RCL1: variants seen among roughly 807,000 people sequenced by gnomAD.
RCL1 encodes RNA terminal phosphate cyclase like 1, also known as RNA 3'-terminal phosphate cyclase-like protein.
In RCL1, 24 loss-of-function variants were observed where a neutral mutation model predicts 42.4. The observed-to-expected ratio is 0.57, with a 90% CI of 0.41 to 0.80. RCL1 has a LOEUF of 0.80. RCL1 is among the 30% of genes least tolerant of loss of function. The probability of loss-of-function intolerance (pLI) is 0.00; values close to 1 mark genes in which losing one functional copy is unlikely to be tolerated. For missense variants in RCL1, 578 were observed against 467.9 expected, an observed-to-expected ratio of 1.24 and a Z score of -2.17; for synonymous variants, 228 against 177.3, an observed-to-expected ratio of 1.29 and a Z score of -2.27.
At chr9:4,847,838 C>T (rs1245585060) in intron 7 of RCL1, among the ~76,000 whole-genome samples, 2 of 152,212 alleles carry the variant, frequency 1.3e-5, no homozygotes, top group Non-Finnish European at 2.9e-5. Flanking sequence ...TCCTTGCTGG[C>T]CCTGGCATTT....
rs148169050 is a variant in RCL1 at position 4,806,795 on chromosome 9, A to G, written c.136+13568A>G. On this transcript the variant is annotated intron_variant, in intron 1 of 8. Transcript: ENST00000381750. ...CTAGTTTAAATTAAATCAATTGGAA[A>G]GTTTCCTGTTTTCTGAAAGAGATTG... Among the ~76,000 whole-genome samples the G allele has an allele frequency of 6.5e-4, 99 of 152,106 alleles. 1 individual carries two copies. The highest frequency in any genetic ancestry group is 2.4e-3 in the African/African-American group (98 of 41,508).
intron 3 of RCL1, among the ~76,000 whole-genome samples, chr9:4,830,156 C>T (rs993051642): frequency 1.4e-4 from 21 of 152,172 alleles, no homozygotes; most frequent in African/African-American, 4.3e-4. Flanking sequence ...TCAGACTGAG[C>T]AGTGAGACAT....
intron 1 of RCL1, among the ~76,000 whole-genome samples, chr9:4,798,363 A>G (rs1009906365): frequency 6.6e-6 from 1 of 152,238 alleles, no homozygotes; most frequent in Non-Finnish European, 1.5e-5. Flanking sequence ...GAACAAGAGC[A>G]GTGACATAGG....
rs1817492727 is a variant in RCL1, at chr9:4,845,840, G to A, written c.867+1159G>A. On this transcript the variant is annotated intron_variant, in intron 7 of 8. Transcript: ENST00000381750. ...TAAATCATCTCTCTTCTTCCCCTAA[G>A]GAGCTGAAGAGACTTCTTTCTTTGT... is the stretch of plus-strand genomic sequence containing the variant. Among the ~76,000 whole-genome samples the A allele has an allele frequency of 2.0e-5, 3 of 152,176 alleles. No individual in the cohort carries two copies. The South Asian group carries it at 6.2e-4, about 32-fold the overall frequency.
rs1334419245 is a variant in RCL1 at position 4,823,695 on chromosome 9, CT to C, written c.208+85del. On this transcript the variant is annotated intron_variant, in intron 2 of 8. Coordinates refer to ENST00000381750, the MANE Select transcript of RCL1 (RefSeq NM_005772.5). ...TGTTTCTCACTCTTTTTTTTCTTTCCTTTTTTTTTCTAGTCAGTCTCTGCTT... is the reference window on the plus strand; with the variant it reads ...TGTTTCTCACTCTTTTTTTTCTTTCCTTTTTTTTCTAGTCAGTCTCTGCTT... The C allele has an allele frequency of 2.3e-4, 229 of 977,446 alleles. 1 individual carries two copies. The highest frequency in any genetic ancestry group is 6.4e-4 in the South Asian group (41 of 64,320). The allele number at this position is 977,446 out of a possible 1,614,324, so 60.5% of individuals were successfully genotyped here.
intron 7 of RCL1, among the ~76,000 whole-genome samples, chr9:4,847,677 C>A (rs1183559962): frequency 6.6e-6 from 1 of 152,206 alleles, no homozygotes; most frequent in Non-Finnish European, 1.5e-5. Flanking sequence ...TGCACAGAGA[C>A]CTTCACTGGC....
chr9:4,795,087 T>TC (rs1185872011), intron 1 of RCL1, among the ~76,000 whole-genome samples: 1 of 90,160 alleles, frequency 1.1e-5, no homozygotes, highest in African/African-American at 4.6e-5. Flanking sequence ...AATTTCTTTC[T>TC]TTTTTTTTGA....
chr9:4,826,983 C>T lies in RCL1; in HGVS notation c.334C>T (p.Pro112Ser), dbSNP rs188571643. The T allele has an allele frequency of 6.2e-7, 1 of 1,613,926 alleles. No homozygotes were observed. Among genetic ancestry groups the T allele is most frequent in the African/African-American group, 1.3e-5 (1 of 74,856 alleles). ...TTGCTTGGCTCCATTTATGAAGCAC[C>T]CGTTAAAAATAGTTCTACGAGGAGT... is the stretch of plus-strand genomic sequence containing the variant. ...LLCLAPFMKH[P>S]LKIVLRGVTN... The change falls in exon 3 of 9, where the codon CCG becomes TCG. Residue 112 changes from proline to serine, a missense_variant. Physicochemically the swap from Pro to Ser is moderately conservative, Grantham distance 74. Coordinates refer to ENST00000381750, the MANE Select transcript of RCL1 (RefSeq NM_005772.5).
intron 3 of RCL1, 85 bp downstream of exon 3, chr9:4,827,118 G>A (rs1395107675): frequency 6.3e-7 from 1 of 1,587,242 alleles, no homozygotes; most frequent in Non-Finnish European, 8.6e-7. Flanking sequence ...TCCTTATAAG[G>A]CACAGTTTTA....
At chr9:4,836,016 G>A (rs1817116476) in intron 5 of RCL1, among the ~76,000 whole-genome samples, 1 of 152,188 alleles carries the variant, frequency 6.6e-6, no homozygotes, top group South Asian at 2.1e-4. Flanking sequence ...TACCGAGTTA[G>A]GATGGGATTG....
At chr9:4,831,012 T>C (rs1487415656) in intron 3 of RCL1, among the ~76,000 whole-genome samples, 1 of 151,778 alleles carries the variant, frequency 6.6e-6, no homozygotes, top group Non-Finnish European at 1.5e-5. Context: ...GACTGGAGAG[T>C]GTTCGGCCCA....
At chr9:4,799,706 A>T (rs193273982) in intron 1 of RCL1, among the ~76,000 whole-genome samples, 24 of 152,198 alleles carry the variant, frequency 1.6e-4, no homozygotes, top group Admixed American at 3.9e-4. Context: ...ATTATAAATT[A>T]AAAAAATTTT....
At chr9:4,821,261 AAGAG>A (rs939272217) in intron 1 of RCL1, among the ~76,000 whole-genome samples, 7 of 151,784 alleles carry the variant, frequency 4.6e-5, no homozygotes, top group Non-Finnish European at 1.0e-4. Flanking sequence ...TATTTCTTAA[AAGAG>A]AGAGAGAGAG....
intron 8 of RCL1, among the ~76,000 whole-genome samples, chr9:4,853,124 C>G (rs990228345): frequency 6.6e-6 from 1 of 152,090 alleles, no homozygotes; most frequent in African/African-American, 2.4e-5. Context: ...GTTTTAAGCA[C>G]TCAGACATAA....
chr9:4,814,448 G>A (rs1435504668), intron 1 of RCL1, among the ~76,000 whole-genome samples: 3 of 151,938 alleles, frequency 2.0e-5, no homozygotes, highest in Non-Finnish European at 4.4e-5. Context: ...TGTATTTTTT[G>A]TAGAGATGGC....
At chr9:4,850,235 T>C (rs1210756605) in intron 8 of RCL1, 2 of 510,342 alleles carry the variant, frequency 3.9e-6, no homozygotes, top group African/African-American at 1.9e-5. Context: ...GAGATCATCA[T>C]ATGGCCCATC....
intron 1 of RCL1, among the ~76,000 whole-genome samples, chr9:4,814,388 A>T (rs148156986): frequency 1.1e-4 from 16 of 152,006 alleles, no homozygotes; most frequent in Admixed American, 3.3e-4. Context: ...GGCTCAAGCA[A>T]TCTTTCCGGC....
At chr9:4,806,556 C>A (rs79492827) in intron 1 of RCL1, among the ~76,000 whole-genome samples, 1 of 150,044 alleles carries the variant, frequency 6.7e-6, no homozygotes, top group Admixed American at 6.7e-5. Flanking sequence ...TTGAACCAGC[C>A]TTGCATTCCT....
chr9:4,856,246 GCAA>G (rs772027817), intron 8 of RCL1, among the ~76,000 whole-genome samples: 2 of 152,294 alleles, frequency 1.3e-5, no homozygotes, highest in East Asian at 1.9e-4. Context: ...TGGATAGAAA[GCAA>G]CAACGACAAC....
Sources: allele counts gnomAD v4.1 joint callset (sites outside exome capture counted in the v4.1 genomes callset), GRCh38; gene constraint gnomAD v4.1.1; transcripts MANE v1.5; gene names NCBI Gene and HGNC (gene_info 2026-07-23, HGNC 2026-07-21).